Variants in OR6N1 observed in about 807,000 individuals in gnomAD.
OR6N1 encodes the protein olfactory receptor 6N1.
For missense variants in OR6N1, 394 were observed against 371.7 expected, an observed-to-expected ratio of 1.06 and a Z score of -0.49; for synonymous variants, 170 against 150.7, an observed-to-expected ratio of 1.13 and a Z score of -0.94.
At chr1:158,830,827 A>C in the OR6N1 span, among the ~76,000 whole-genome samples, 1 of 152,234 alleles carries the variant, frequency 6.6e-6, no homozygotes, top group Non-Finnish European at 1.5e-5. Context: ...ATAAGGATTT[A>C]CATATTCATA....
At chr1:158,817,290 T>G in the OR6N1 span, among the ~76,000 whole-genome samples, 1 of 152,230 alleles carries the variant, frequency 6.6e-6, no homozygotes, top group African/African-American at 2.4e-5. Flanking sequence ...CTATTTGCCT[T>G]AGCTACTAAT....
chr1:158,813,790 G>A, the OR6N1 span, among the ~76,000 whole-genome samples: 1 of 132,904 alleles, frequency 7.5e-6, no homozygotes, highest in South Asian at 2.4e-4. Context: ...GCAACCTCTT[G>A]CTCCTGGGCT....
the OR6N1 span, among the ~76,000 whole-genome samples, chr1:158,816,505 C>A: frequency 5.9e-5 from 9 of 152,244 alleles, no homozygotes; most frequent in South Asian, 1.9e-3. Context: ...GCCTGGGCAA[C>A]AAAGCAAGAC....
the OR6N1 span, among the ~76,000 whole-genome samples, chr1:158,823,785 T>A: frequency 6.6e-6 from 1 of 152,192 alleles, no homozygotes; most frequent in Non-Finnish European, 1.5e-5. Flanking sequence ...TTTCTCTAGT[T>A]CCTTTAGTTT....
chr1:158,826,042 C>A, the OR6N1 span, among the ~76,000 whole-genome samples: 2 of 152,002 alleles, frequency 1.3e-5, no homozygotes, highest in African/African-American at 4.8e-5. Context: ...CAAATACCAC[C>A]ACTTGTAAGT....
chr1:158,787,803 A>C, the OR6N1 span, among the ~76,000 whole-genome samples: 1 of 152,306 alleles, frequency 6.6e-6, no homozygotes, highest in African/African-American at 2.4e-5. Context: ...TCCAGTGAAA[A>C]CATCCCCAGT....
chr1:158,799,883 G>A, the OR6N1 span, among the ~76,000 whole-genome samples: 1 of 152,098 alleles, frequency 6.6e-6, no homozygotes, highest in African/African-American at 2.4e-5. Context: ...TGGGAAGATA[G>A]GGCCCTAGAA....
At chr1:158,767,336 A>T (rs1285506028) in intron 1 of OR6N1, among the ~76,000 whole-genome samples, 1 of 152,188 alleles carries the variant, frequency 6.6e-6, no homozygotes, top group East Asian at 1.9e-4. Context: ...AGTAAATAAA[A>T]AAGCCAAAGA....
chr1:158,790,985 G>T, the OR6N1 span, among the ~76,000 whole-genome samples: 1 of 152,034 alleles, frequency 6.6e-6, no homozygotes, highest in African/African-American at 2.4e-5. Context: ...AAGTGATGCT[G>T]GATTTTACCA....
the OR6N1 span, among the ~76,000 whole-genome samples, chr1:158,798,546 CTAAT>C: frequency 6.6e-6 from 1 of 151,372 alleles, no homozygotes; most frequent in East Asian, 1.9e-4. Context: ...TTATTTATTT[CTAAT>C]TTATTTATAT....
At chr1:158,810,497 T>C in the OR6N1 span, among the ~76,000 whole-genome samples, 3 of 152,160 alleles carry the variant, frequency 2.0e-5, no homozygotes, top group Non-Finnish European at 2.9e-5. Context: ...GGCAAGCAGT[T>C]GTGCAAAAGG....
At chr1:158,773,177 T>C (rs912123674), upstream of OR6N1, among the ~76,000 whole-genome samples, 1 of 1,234 alleles carries the variant, frequency 8.1e-4, no homozygotes, top group Admixed American at 0.028. Flanking sequence ...TCTGGAAGAT[T>C]TTTTTTTTTC....
At chr1:158,792,080 G>C in the OR6N1 span, among the ~76,000 whole-genome samples, 1 of 152,188 alleles carries the variant, frequency 6.6e-6, no homozygotes, top group Admixed American at 6.5e-5. Context: ...GGACTCCAGA[G>C]TTAGATACAG....
At chr1:158,826,595 T>C in the OR6N1 span, among the ~76,000 whole-genome samples, 1 of 152,184 alleles carries the variant, frequency 6.6e-6, no homozygotes, top group Admixed American at 6.5e-5. Context: ...AAGAAAATTT[T>C]AATGAAATGC....
chr1:158,805,254 A>T, the OR6N1 span, among the ~76,000 whole-genome samples: 1 of 152,230 alleles, frequency 6.6e-6, no homozygotes, highest in Non-Finnish European at 1.5e-5. Flanking sequence ...TGGTCTGATT[A>T]TGCTGCCTTT....
At chr1:158,829,574 T>G in the OR6N1 span, among the ~76,000 whole-genome samples, 1 of 152,202 alleles carries the variant, frequency 6.6e-6, no homozygotes, top group Non-Finnish European at 1.5e-5. Context: ...TCAAAGCCAT[T>G]CAACAAGTCT....
upstream of OR6N1, among the ~76,000 whole-genome samples, chr1:158,773,592 C>T (rs1657478545): frequency 6.6e-6 from 1 of 152,180 alleles, no homozygotes; most frequent in African/African-American, 2.4e-5. Context: ...AACTCTAGTT[C>T]TCTTTTTGAC....
chr1:158,825,654 G>A, the OR6N1 span, among the ~76,000 whole-genome samples: 1 of 152,106 alleles, frequency 6.6e-6, no homozygotes, highest in African/African-American at 2.4e-5. Flanking sequence ...CAGAGAAAAG[G>A]GAATGCTTAT....
At chr1:158,811,477 A>G in the OR6N1 span, among the ~76,000 whole-genome samples, 4 of 152,158 alleles carry the variant, frequency 2.6e-5, no homozygotes, top group Non-Finnish European at 5.9e-5. Context: ...TGTTTTCATC[A>G]TCACTTTCCT....
Sources: gnomAD v4.1 joint callset for allele counts (sites outside exome capture counted in the v4.1 genomes callset) on GRCh38, gnomAD v4.1.1 for gene constraint, MANE v1.5 for transcripts, NCBI Gene and HGNC (gene_info 2026-07-23, HGNC 2026-07-21) for gene names.